The following HNRNPD variants were observed in gnomAD, a reference collection of about 807,000 sequenced individuals.
HNRNPD encodes the protein heterogeneous nuclear ribonucleoprotein D0.
A neutral mutation model predicts 47.9 loss-of-function variants in HNRNPD; 3 were observed. The ratio of observed to expected loss-of-function variants is 0.06; its 90% CI spans 0.03 to 0.16. HNRNPD has a LOEUF of 0.16. HNRNPD is among the 10% of genes least tolerant of loss of function. The pLI is 1.00. For missense variants in HNRNPD, 287 were observed against 454.2 expected, an observed-to-expected ratio of 0.63 and a Z score of 3.35; for synonymous variants, 171 against 165.1, an observed-to-expected ratio of 1.04 and a Z score of -0.28.
At chr4:82,362,974 T>C (rs1160061867) in intron 2 of HNRNPD, among the ~76,000 whole-genome samples, 1 of 152,100 alleles carries the variant, frequency 6.6e-6, no homozygotes, top group Non-Finnish European at 1.5e-5. Flanking sequence ...ACTTAGTCTC[T>C]ACAATGTTGG....
At chr4:82,373,386 G>C in intron 1 of HNRNPD, 60 bp downstream of exon 1, 1 of 1,491,494 alleles carries the variant, frequency 6.7e-7, no homozygotes. Flanking sequence ...AATGGCGGGG[G>C]AATAAAGAGG....
At chr4:82,373,038 A>G in intron 1 of HNRNPD, 1 of 432,660 alleles carries the variant, frequency 2.3e-6, no homozygotes, top group South Asian at 1.6e-5. Context: ...CAAACAGAGA[A>G]GCTGTTTGTG....
At chr4:82,364,748 T>C (rs550594503) in intron 2 of HNRNPD, among the ~76,000 whole-genome samples, 1 of 152,332 alleles carries the variant, frequency 6.6e-6, no homozygotes, top group South Asian at 2.1e-4. Context: ...TGGTCTACCC[T>C]ACATTTATGC....
chr4:82,373,002 G>A (rs1367215897), intron 1 of HNRNPD: 3 of 376,914 alleles, frequency 8.0e-6, no homozygotes, highest in East Asian at 1.5e-4. Flanking sequence ...GGATGGTGGA[G>A]AAGCACCAAA....
intron 2 of HNRNPD, among the ~76,000 whole-genome samples, chr4:82,360,373 A>G (rs1723911022): frequency 6.6e-6 from 1 of 152,080 alleles, no homozygotes; most frequent in African/African-American, 2.4e-5. Flanking sequence ...AAACGTATAT[A>G]CTCAAAATAA....
chr4:82,373,180 G>C (rs931922292), intron 1 of HNRNPD: 5 of 663,354 alleles, frequency 7.5e-6, no homozygotes, highest in African/African-American at 7.1e-5. Flanking sequence ...CATGGCGAGG[G>C]AGGAAAGGAG....
chr4:82,370,379 T>C (rs1174402402), intron 2 of HNRNPD, among the ~76,000 whole-genome samples: 1 of 152,214 alleles, frequency 6.6e-6, no homozygotes, highest in Admixed American at 6.5e-5. Flanking sequence ...AACAATTACA[T>C]GAGACTCAAA....
At chr4:82,372,141 TA>T (rs145595139) in intron 1 of HNRNPD, among the ~76,000 whole-genome samples, 2 of 150,978 alleles carry the variant, frequency 1.3e-5, no homozygotes, top group Non-Finnish European at 1.5e-5. Context: ...TCTTTACAGT[TA>T]AAAAAAAATT....
In HNRNPD at chr4:82,373,636, C is replaced by A. The variant is rs1395668208; in HGVS notation, c.43G>T (p.Ala15Ser). ...GCCGAGCCGCCTACCGCCGCCGTTG[C>A]CGCTGCCGCCGCCCCGTCCCCGCCG... is the stretch of plus-strand genomic sequence containing the variant. ...QFGGDGAAAA[A>S]TAAVGGSAGE... is the part of the protein sequence containing the mutation. Residue 15 changes from alanine to serine, a missense_variant, in exon 1 of 9, where the codon GCA becomes TCA. Physicochemically the swap from Ala to Ser is moderately conservative, Grantham distance 99. Transcript: ENST00000313899. 6.6e-7 allele frequency: 1 copy of A among 1,526,212 alleles called. No individual in the cohort carries two copies. Among genetic ancestry groups the A allele is most frequent in the Non-Finnish European group, 8.7e-7 (1 of 1,142,884 alleles). The allele number at this position is 1,526,212 out of a possible 1,614,324, so 94.5% of individuals were successfully genotyped here. A position where few individuals can be genotyped will look rare whatever the true frequency, so the allele number is the denominator to read the frequency against.
chr4:82,373,159 GGGA>G (rs1267817791), intron 1 of HNRNPD: 1 of 636,086 alleles, frequency 1.6e-6, no homozygotes, highest in Admixed American at 2.1e-5. Flanking sequence ...CTAAGTCGGT[GGGA>G]GGAGACCCAT....
At chr4:82,366,624 T>C (rs1456101153) in intron 2 of HNRNPD, among the ~76,000 whole-genome samples, 1 of 152,204 alleles carries the variant, frequency 6.6e-6, no homozygotes, top group Non-Finnish European at 1.5e-5. Flanking sequence ...TGGAATGCAG[T>C]GGTGCAACCT....
At chr4:82,363,211 G>C (rs1719577812) in intron 2 of HNRNPD, among the ~76,000 whole-genome samples, 1 of 151,940 alleles carries the variant, frequency 6.6e-6, no homozygotes, top group Non-Finnish European at 1.5e-5. Context: ...TGAGTAGCTG[G>C]GATAACAGGT....
chr4:82,373,399 G>T (rs1021018477), intron 1 of HNRNPD, 47 bp downstream of exon 1: 2 of 1,522,008 alleles, frequency 1.3e-6, no homozygotes, highest in Non-Finnish European at 8.8e-7. Flanking sequence ...TAAAGAGGGG[G>T]AGGGGGACTA....
At chr4:82,360,693 C>T (rs1220967623) in intron 2 of HNRNPD, among the ~76,000 whole-genome samples, 2 of 152,110 alleles carry the variant, frequency 1.3e-5, no homozygotes, top group African/African-American at 4.8e-5. Context: ...GTGACACTAA[C>T]TCAGCTCTAT....
chr4:82,372,973 A>T, intron 1 of HNRNPD: 1 of 348,118 alleles, frequency 2.9e-6, no homozygotes, highest in Non-Finnish European at 5.8e-6. Context: ...ATGTGCTTAT[A>T]AACAATCGCA....
intron 1 of HNRNPD, 25 bp downstream of exon 1, chr4:82,373,421 C>T: frequency 6.4e-7 from 1 of 1,562,922 alleles, no homozygotes; most frequent in Admixed American, 1.9e-5. Context: ...TTGGGCCTGA[C>T]TATCCTGGGA....
intron 7 of HNRNPD, chr4:82,356,083 T>C (rs1457694005): frequency 6.5e-6 from 1 of 154,028 alleles, no homozygotes; most frequent in East Asian, 1.9e-4. Context: ...AAAAGTCAAG[T>C]TTTTTGGTTC....
At chr4:82,360,615 C>T (rs527514941) in intron 2 of HNRNPD, among the ~76,000 whole-genome samples, 1 of 151,846 alleles carries the variant, frequency 6.6e-6, no homozygotes, top group East Asian at 1.9e-4. Context: ...CCATGGGAAT[C>T]AAATCAGACT....
chr4:82,361,482 A>G (rs935120802), intron 2 of HNRNPD, among the ~76,000 whole-genome samples: 2 of 152,220 alleles, frequency 1.3e-5, no homozygotes, highest in African/African-American at 4.8e-5. Context: ...TTTCTCAATA[A>G]TAACTAACAA....
Sources: gnomAD v4.1 joint callset for allele counts (sites outside exome capture counted in the v4.1 genomes callset) on GRCh38, gnomAD v4.1.1 for gene constraint, MANE v1.5 for transcripts, NCBI Gene and HGNC (gene_info 2026-07-23, HGNC 2026-07-21) for gene names.